CCSER1: variants seen among roughly 807,000 people sequenced by gnomAD.
CCSER1 encodes the protein coiled-coil serine rich protein 1.
Under a neutral mutation model 82.0 loss-of-function variants are expected in CCSER1, and 41 were observed. That is an observed-to-expected ratio of 0.50 (90% CI 0.39 to 0.65). The LOEUF (loss-of-function observed/expected upper bound fraction) is 0.65, where lower values mean the gene tolerates loss of function less well. Among genes scored for constraint, CCSER1 ranks in the 30% least tolerant of loss-of-function variants. CCSER1 has a pLI of 0.00. For synonymous variants in CCSER1, 414 were observed against 383.9 expected (o/e 1.08, Z -0.92); for missense variants, 1,119 against 1,064.2 (o/e 1.05, Z -0.72).
chr4:91,400,851 T>A (rs1752271731), intron 10 of CCSER1, among the ~76,000 whole-genome samples: 1 of 151,860 alleles, frequency 6.6e-6, no homozygotes, highest in African/African-American at 2.4e-5. Flanking sequence ...CCTGAATTGG[T>A]CTTTTGGCTT....
chr4:90,498,993 G>A (rs982894895), intron 5 of CCSER1, among the ~76,000 whole-genome samples: 2 of 152,036 alleles, frequency 1.3e-5, no homozygotes, highest in African/African-American at 4.8e-5. Context: ...CAATTGATGA[G>A]TTGATTATGT....
intron 7 of CCSER1, among the ~76,000 whole-genome samples, chr4:90,794,479 G>T (rs1321869721): frequency 5.3e-5 from 8 of 152,232 alleles, no homozygotes; most frequent in African/African-American, 1.9e-4. Flanking sequence ...TTGTAGCTGT[G>T]TGGCCTTATT....
chr4:91,147,102 C>T (rs1729614667), intron 10 of CCSER1, among the ~76,000 whole-genome samples: 1 of 152,156 alleles, frequency 6.6e-6, no homozygotes, highest in Admixed American at 6.5e-5. Context: ...CCCCAGGGTT[C>T]CACTGGTCCT....
intron 10 of CCSER1, among the ~76,000 whole-genome samples, chr4:91,265,550 A>C (rs1156751400): frequency 1.3e-5 from 2 of 152,222 alleles, no homozygotes; most frequent in Non-Finnish European, 2.9e-5. Context: ...ATTAATTCAA[A>C]TGCCAGTTGT....
chr4:91,434,160 G>A (rs1754498597), intron 10 of CCSER1, among the ~76,000 whole-genome samples: 1 of 151,648 alleles, frequency 6.6e-6, no homozygotes, highest in South Asian at 2.1e-4. Flanking sequence ...GCAAACTATT[G>A]TAATGGTTTG....
At chr4:90,356,043 T>C (rs925380386) in intron 3 of CCSER1, among the ~76,000 whole-genome samples, 2 of 151,960 alleles carry the variant, frequency 1.3e-5, no homozygotes, top group African/African-American at 4.8e-5. Context: ...TATCATTTGA[T>C]TCACTTGACA....
intron 5 of CCSER1, among the ~76,000 whole-genome samples, chr4:90,492,506 G>A (rs2153605798): frequency 6.6e-6 from 1 of 152,088 alleles, no homozygotes; most frequent in East Asian, 1.9e-4. Flanking sequence ...GGCTTTTTGT[G>A]TCTCTATCTC....
At chr4:90,470,630 G>A (rs1216895749) in intron 5 of CCSER1, among the ~76,000 whole-genome samples, 2 of 152,014 alleles carry the variant, frequency 1.3e-5, no homozygotes, top group African/African-American at 4.8e-5. Flanking sequence ...TGACTCTTCT[G>A]TCTGGGCTTT....
intron 10 of CCSER1, among the ~76,000 whole-genome samples, chr4:91,458,660 C>T (rs72658014): frequency 0.094 from 14,339 of 152,116 alleles, 780 homozygotes; most frequent in Non-Finnish European, 0.12. Flanking sequence ...AATATCTTTC[C>T]ATTTCTTGTC....
chr4:90,989,155 A>C (rs1214048585), intron 9 of CCSER1, among the ~76,000 whole-genome samples: 2 of 151,822 alleles, frequency 1.3e-5, no homozygotes, highest in South Asian at 2.1e-4. Context: ...CCACCTTTAC[A>C]GCCAAGAGAC....
At chr4:90,752,969 A>C (rs954975577) in intron 7 of CCSER1, among the ~76,000 whole-genome samples, 1 of 152,142 alleles carries the variant, frequency 6.6e-6, no homozygotes, top group African/African-American at 2.4e-5. Context: ...CCATTTCATC[A>C]TATAAAAATG....
intron 10 of CCSER1, 51 bp downstream of exon 10, chr4:91,086,045 G>T: frequency 9.2e-7 from 1 of 1,084,568 alleles, no homozygotes; most frequent in South Asian, 1.4e-5. Context: ...CATGGCTATG[G>T]TGTTGCAGTG....
Position 90,727,319 on chromosome 4 carries a change from A to G in CCSER1, c.2010+3328A>G, listed in dbSNP as rs145869451. 2.8e-3 allele frequency: 1,266 copies of G among 455,406 alleles called. 6 individuals carry two copies. Among genetic ancestry groups the G allele is most frequent in the Non-Finnish European group, 4.0e-3 (909 of 226,684 alleles). The allele number at this position is 455,406 out of a possible 1,614,324, so 28.2% of individuals were successfully genotyped here. Reference sequence around the variant, plus strand: ...ATAGGTAGGAACAAAATGTTATCAAACATCAACAACAGAATCATAAAAGTT... The same window carrying G: ...ATAGGTAGGAACAAAATGTTATCAAGCATCAACAACAGAATCATAAAAGTT... On this transcript the variant is annotated intron_variant, in intron 7 of 10. Coordinates refer to ENST00000509176, the MANE Select transcript of CCSER1 (RefSeq NM_001145065.2).
intron 9 of CCSER1, among the ~76,000 whole-genome samples, chr4:90,991,805 C>T (rs1398977823): frequency 1.3e-5 from 2 of 152,022 alleles, no homozygotes; most frequent in African/African-American, 4.8e-5. Context: ...ACTTCCCCAT[C>T]TCTCTCCTTT....
chr4:90,819,497 A>G (rs1352338446), intron 8 of CCSER1, among the ~76,000 whole-genome samples: 1 of 151,648 alleles, frequency 6.6e-6, no homozygotes, highest in African/African-American at 2.4e-5. Flanking sequence ...CTACCATATG[A>G]TTTCAAAATT....
chr4:90,454,498 T>A (rs763053408), intron 4 of CCSER1, among the ~76,000 whole-genome samples: 10 of 152,156 alleles, frequency 6.6e-5, no homozygotes, highest in Non-Finnish European at 1.5e-4. Flanking sequence ...TTTTCTATCA[T>A]GTTTAGCTTG....
intron 6 of CCSER1, among the ~76,000 whole-genome samples, chr4:90,693,835 T>C (rs547886487): frequency 6.6e-6 from 1 of 151,178 alleles, no homozygotes; most frequent in East Asian, 1.9e-4. Context: ...AAGTGTCTAA[T>C]GCATATTTTG....
At chr4:90,858,107 T>A (rs1000903926) in intron 8 of CCSER1, among the ~76,000 whole-genome samples, 1 of 152,022 alleles carries the variant, frequency 6.6e-6, no homozygotes, top group East Asian at 1.9e-4. Flanking sequence ...AGCCTAGAAA[T>A]GGAATGTTAA....
chr4:90,320,393 C>T (rs553496927), intron 3 of CCSER1, among the ~76,000 whole-genome samples: 1 of 152,270 alleles, frequency 6.6e-6, no homozygotes, highest in East Asian at 1.9e-4. Flanking sequence ...TGATAAAGCT[C>T]TGGCTTTTTT....
Sources: gnomAD v4.1 joint callset for allele counts (sites outside exome capture counted in the v4.1 genomes callset) on GRCh38, gnomAD v4.1.1 for gene constraint, MANE v1.5 for transcripts, NCBI Gene and HGNC (gene_info 2026-07-23, HGNC 2026-07-21) for gene names.